WIPF1: variants seen among roughly 807,000 people sequenced by gnomAD.
The protein encoded by WIPF1 is WAS/WASL interacting protein family member 1.
A neutral mutation model predicts 35.4 loss-of-function variants in WIPF1; 13 were observed. The observed-to-expected ratio is 0.37, with a 90% confidence interval of 0.24 to 0.58. The LOEUF (loss-of-function observed/expected upper bound fraction) is 0.58. Ranked by LOEUF, WIPF1 falls within the 20% of genes least tolerant of loss-of-function variation. WIPF1 has a pLI of 0.74. For synonymous variants in WIPF1, 267 were observed against 266.3 expected (o/e 1.00, Z -0.02); for missense variants, 591 against 667.0 (o/e 0.89, Z 1.25).
intron 1 of WIPF1, among the ~76,000 whole-genome samples, chr2:174,612,868 CAAAAT>C (rs1179782394): frequency 6.6e-6 from 1 of 152,114 alleles, no homozygotes; most frequent in Non-Finnish European, 1.5e-5. Flanking sequence ...TTTTCATAAA[CAAAAT>C]AAAATATTCT....
chr2:174,680,800 G>A (rs1184767213), intron 1 of WIPF1, among the ~76,000 whole-genome samples: 1 of 152,120 alleles, frequency 6.6e-6, no homozygotes, highest in Non-Finnish European at 1.5e-5. Context: ...GCTACACACT[G>A]CATGGTATCT....
chr2:174,571,880 G>C lies in WIPF1; in HGVS notation c.925C>G (p.Pro309Ala). 1.9e-6 allele frequency: 3 copies of C among 1,613,374 alleles called. No individual in the cohort carries two copies. The highest frequency in any genetic ancestry group is 2.5e-6 in the Non-Finnish European group (3 of 1,179,720). The change falls in exon 5 of 8, where the codon CCG becomes GCG. Residue 309 changes from proline to alanine, a missense_variant. This residue lies in a region of WIPF1 where 471 missense variants were observed against 501.1 expected (regional missense o/e 0.94). Transcript: ENST00000679041. This position sits in a 1 kb window ranked among gnomAD's most constrained non-coding sequence, Gnocchi z 4.6. ...RPSASSQAPP[P>A]PPPPSRPGPP... is the part of the protein sequence containing the mutation. ...CCGGGCCTGCTGGGAGGTGGCGGCG[G>C]AGGTGGGGCCTGTGAGGAGGCCGAA...
At chr2:174,567,733 A>T in intron 6 of WIPF1, 128 bp downstream of exon 6, 1 of 994,746 alleles carries the variant, frequency 1.0e-6, no homozygotes, top group Non-Finnish European at 1.4e-6. Flanking sequence ...TTAGATAGTT[A>T]GATCAGTGCA....
At chr2:174,645,934 G>A (rs537145987) in intron 1 of WIPF1, among the ~76,000 whole-genome samples, 3 of 152,338 alleles carry the variant, frequency 2.0e-5, no homozygotes, top group Admixed American at 6.5e-5. Context: ...GGACACATAG[G>A]AAAGCCTTGC....
chr2:174,645,803 T>C (rs2105953939), intron 1 of WIPF1, among the ~76,000 whole-genome samples: 1 of 152,312 alleles, frequency 6.6e-6, no homozygotes, highest in South Asian at 2.1e-4. Flanking sequence ...ACAACCAAAC[T>C]GGCGCTTTCC....
At chr2:174,594,942 G>A (rs1016827322) in intron 1 of WIPF1, among the ~76,000 whole-genome samples, 17 of 150,570 alleles carry the variant, frequency 1.1e-4, no homozygotes, top group Non-Finnish European at 1.8e-4. Context: ...TCCCAAGGCC[G>A]GAAAAGCACC....
At chr2:174,573,018 C>A (rs983336253) in intron 4 of WIPF1, among the ~76,000 whole-genome samples, 3 of 152,096 alleles carry the variant, frequency 2.0e-5, no homozygotes, top group South Asian at 2.1e-4. Context: ...TAAGAAAAAA[C>A]TAAGAAAGGA....
At chr2:174,675,277 T>C (rs896056237) in intron 1 of WIPF1, among the ~76,000 whole-genome samples, 1 of 152,216 alleles carries the variant, frequency 6.6e-6, no homozygotes, top group Non-Finnish European at 1.5e-5. Context: ...TATATTTCCA[T>C]TTTCTTGTCT....
chr2:174,669,762 G>A (rs571325272), intron 1 of WIPF1, among the ~76,000 whole-genome samples: 1 of 152,302 alleles, frequency 6.6e-6, no homozygotes, highest in African/African-American at 2.4e-5. Context: ...TGCAGTCCCA[G>A]CTACTCAGGA....
intron 2 of WIPF1, among the ~76,000 whole-genome samples, chr2:174,583,083 A>C (rs1685290281): frequency 1.3e-5 from 2 of 152,214 alleles, no homozygotes; most frequent in Admixed American, 6.5e-5. Flanking sequence ...AGCTGATAGA[A>C]GGATAAATGT....
chr2:174,580,617 A>G (rs1164451998), intron 3 of WIPF1, among the ~76,000 whole-genome samples: 2 of 152,250 alleles, frequency 1.3e-5, no homozygotes, highest in African/African-American at 4.8e-5. Flanking sequence ...GTGAGGAGAC[A>G]GGCTTAAGAT....
upstream of WIPF1, among the ~76,000 whole-genome samples, chr2:174,600,912 CTTTTTTTTTTTTTTTT>C (rs1157973597): frequency 1.5e-5 from 1 of 65,428 alleles, no homozygotes; most frequent in East Asian, 4.5e-4. Context: ...CATAATGTTC[CTTTTTTTTTTTTTTTT>C]TTTTTTTTTT....
intron 1 of WIPF1, among the ~76,000 whole-genome samples, chr2:174,669,389 A>C (rs772932240): frequency 1.3e-5 from 2 of 152,228 alleles, no homozygotes; most frequent in African/African-American, 2.4e-5. Context: ...ATTCTTAGTT[A>C]ATAAACCATT....
At chr2:174,681,386 C>T (rs1688242384) in intron 1 of WIPF1, among the ~76,000 whole-genome samples, 1 of 152,128 alleles carries the variant, frequency 6.6e-6, no homozygotes, top group Admixed American at 6.5e-5. Flanking sequence ...GTGTGCACTG[C>T]AAAGGGATTA....
chr2:174,629,425 G>A (rs1686947049), intron 1 of WIPF1, among the ~76,000 whole-genome samples: 1 of 152,214 alleles, frequency 6.6e-6, no homozygotes. Context: ...AAAAAGCTCA[G>A]AGACAGGGCC....
At chr2:174,658,404 A>G (rs1687691230) in intron 1 of WIPF1, among the ~76,000 whole-genome samples, 1 of 152,210 alleles carries the variant, frequency 6.6e-6, no homozygotes, top group African/African-American at 2.4e-5. Flanking sequence ...GTGAGCAAGT[A>G]ACATCTAGAG....
upstream of WIPF1, among the ~76,000 whole-genome samples, chr2:174,599,713 C>A (rs531336539): frequency 6.6e-6 from 1 of 151,814 alleles, no homozygotes; most frequent in Non-Finnish European, 1.5e-5. Flanking sequence ...AGAACATGGG[C>A]GATATGACAA....
At chr2:174,675,066 A>G (rs1688099585) in intron 1 of WIPF1, among the ~76,000 whole-genome samples, 2 of 152,194 alleles carry the variant, frequency 1.3e-5, no homozygotes, top group African/African-American at 4.8e-5. Context: ...GAGAATGTCT[A>G]TGATGCTTTA....
chr2:174,585,629 C>T lies in WIPF1; in HGVS notation c.-38-18G>A, dbSNP rs888169132. On this transcript the variant is annotated intron_variant, in intron 1 of 7. Coordinates refer to ENST00000679041, the MANE Select transcript of WIPF1 (RefSeq NM_001375834.1). ...TGATAAATCTGGAAAAACAAGAATG[C>T]GATCATGTATTAGATGTAATCTTAG... The T allele has an allele frequency of 4.6e-5, 70 of 1,529,494 alleles. No homozygotes were observed. Among genetic ancestry groups the T allele is most frequent in the Non-Finnish European group, 4.8e-5 (53 of 1,107,712 alleles). The allele number at this position is 1,529,494 out of a possible 1,614,324, so 94.7% of individuals were successfully genotyped here.
Sources: gnomAD v4.1 joint callset for allele counts (sites outside exome capture counted in the v4.1 genomes callset) on GRCh38, gnomAD v4.1.1 for gene constraint, gnomAD v4.1.1 regional missense constraint, Gnocchi (gnomAD v3.1) non-coding constraint, MANE v1.5 for transcripts, NCBI Gene and HGNC (gene_info 2026-07-23, HGNC 2026-07-21) for gene names.